The following B4GALT1 variants were observed in gnomAD, a reference collection of about 807,000 sequenced individuals.
B4GALT1 encodes the protein N-acetyllactosamine synthase.
Under a neutral mutation model 34.9 loss-of-function variants are expected in B4GALT1, and 16 were observed. That is an observed-to-expected ratio of 0.46 (90% CI 0.31 to 0.70). The LOEUF (loss-of-function observed/expected upper bound fraction) is 0.70. Ranked by LOEUF, B4GALT1 falls within the 30% of genes least tolerant of loss-of-function variation. The probability of loss-of-function intolerance (pLI) is 0.05; values close to 1 mark genes in which losing one functional copy is unlikely to be tolerated. For missense variants in B4GALT1, 445 were observed against 530.5 expected (o/e 0.84, Z 1.58); for synonymous variants, 221 against 218.1 (o/e 1.01, Z -0.12).
chr9:33,135,809 G>C (rs570078262), intron 1 of B4GALT1, among the ~76,000 whole-genome samples: 1 of 152,288 alleles, frequency 6.6e-6, no homozygotes, highest in South Asian at 2.1e-4. Flanking sequence ...CTGAGGTTGA[G>C]ACTTAGCTCT....
chr9:33,135,183 C>T lies in B4GALT1; in HGVS notation c.648+6G>A, dbSNP rs1840248302. The stretch of plus-strand genomic sequence containing the variant: ...CCCTCTCTCATTCCACCTTCCCAGG[C>T]CTCACCTGGTTGATAACATAGATGC... On this transcript the variant is annotated splice_donor_region_variant and intron_variant, in intron 2 of 5. Coordinates refer to ENST00000379731, the MANE Select transcript of B4GALT1 (RefSeq NM_001497.4). 6.2e-7 allele frequency: 1 copy of T among 1,612,392 alleles called. No individual in the cohort carries two copies. Among genetic ancestry groups the T allele is most frequent in the Admixed American group, 1.7e-5 (1 of 59,988 alleles).
At chr9:33,161,222 C>T (rs150258279) in intron 1 of B4GALT1, among the ~76,000 whole-genome samples, 27 of 152,144 alleles carry the variant, frequency 1.8e-4, no homozygotes, top group Non-Finnish European at 3.7e-4. Flanking sequence ...GAGGCCAAGC[C>T]GCAAAGTGGA....
At chr9:33,113,914 C>G in intron 4 of B4GALT1, 36 bp from the exon 5 acceptor site, 1 of 1,595,350 alleles carries the variant, frequency 6.3e-7, no homozygotes, top group Non-Finnish European at 8.6e-7. Context: ...TATCACAGAG[C>G]TGCCATACAC....
chr9:33,166,290 C>T (rs1340718805), intron 1 of B4GALT1, among the ~76,000 whole-genome samples: 2 of 152,186 alleles, frequency 1.3e-5, no homozygotes, highest in East Asian at 1.9e-4. Flanking sequence ...AAAACCCACT[C>T]AGGAGAGTGG....
At chr9:33,182,525 C>T in the B4GALT1 span, among the ~76,000 whole-genome samples, 1 of 152,216 alleles carries the variant, frequency 6.6e-6, no homozygotes, top group Non-Finnish European at 1.5e-5. Flanking sequence ...CAGACTCCCC[C>T]TGGACTGACC....
At chr9:33,107,408 A>G (rs1839805837), downstream of B4GALT1, among the ~76,000 whole-genome samples, 1 of 152,152 alleles carries the variant, frequency 6.6e-6, no homozygotes, top group Admixed American at 6.5e-5. Flanking sequence ...CAATGTGATC[A>G]TCCTCATTCC....
At chr9:33,127,866 G>A (rs546930013) in intron 2 of B4GALT1, among the ~76,000 whole-genome samples, 15 of 152,318 alleles carry the variant, frequency 9.8e-5, no homozygotes, top group East Asian at 5.8e-4. Context: ...CCTGTATGAC[G>A]GGCTGGCTTC....
chr9:33,112,188 C>T lies in B4GALT1; in HGVS notation c.*1266G>A, dbSNP rs1263053859. The T allele has an allele frequency of 6.6e-6, 1 of 152,290 alleles. No individual in the cohort carries two copies. Among genetic ancestry groups the T allele is most frequent in the Non-Finnish European group, 1.5e-5 (1 of 68,050 alleles). The allele number at this position is 152,290 out of a possible 1,614,324, so 9.4% of individuals were successfully genotyped here. A position where few individuals can be genotyped will look rare whatever the true frequency, so the allele number is the denominator to read the frequency against. ...TAGCAGAGCCTCTGAGGGAGGTGGC[C>T]CCCACCAGAACAGAGGCTCCCTCTG... is the stretch of plus-strand genomic sequence containing the variant. On this transcript the variant is annotated 3_prime_UTR_variant, in exon 6 of 6. Transcript: ENST00000379731.
chr9:33,175,478 C>G, the B4GALT1 span, among the ~76,000 whole-genome samples: 1 of 152,000 alleles, frequency 6.6e-6, no homozygotes, highest in East Asian at 1.9e-4. Context: ...AGTAATAGGG[C>G]ATCATATCGG....
At chr9:33,129,385 C>T (rs748345947) in intron 2 of B4GALT1, among the ~76,000 whole-genome samples, 35 of 152,190 alleles carry the variant, frequency 2.3e-4, no homozygotes, top group Admixed American at 1.3e-3. Flanking sequence ...CTGGAAGCTT[C>T]GGGGAGAGGC....
chr9:33,124,285 G>A lies in B4GALT1; in HGVS notation c.649-3679C>T, dbSNP rs182123256. Among the ~76,000 whole-genome samples, 32 of 152,224 alleles carry A rather than the reference G, an allele frequency of 2.1e-4. No homozygotes were observed. In the East Asian group the frequency reaches 5.6e-3, roughly 27 times the overall value. On this transcript the variant is annotated intron_variant, in intron 2 of 5. Transcript: ENST00000379731. The stretch of plus-strand genomic sequence containing the variant: ...GCCCTCCTCACTGAGCACACTCATC[G>A]GTACCTCTGCCCCTCCATTTGCTCA...
intron 1 of B4GALT1, among the ~76,000 whole-genome samples, chr9:33,146,985 G>A (rs975159655): frequency 2.0e-5 from 3 of 152,094 alleles, no homozygotes; most frequent in Non-Finnish European, 2.9e-5. Flanking sequence ...ACAGGCGAGA[G>A]CCACCACACC....
At chr9:33,131,326 T>C (rs1380926061) in intron 2 of B4GALT1, among the ~76,000 whole-genome samples, 1 of 152,174 alleles carries the variant, frequency 6.6e-6, no homozygotes, top group Non-Finnish European at 1.5e-5. Context: ...AGTTTCTACA[T>C]TGTCTGGCCT....
At chr9:33,155,280 C>T (rs1337143313) in intron 1 of B4GALT1, among the ~76,000 whole-genome samples, 2 of 152,160 alleles carry the variant, frequency 1.3e-5, no homozygotes, top group Non-Finnish European at 2.9e-5. Flanking sequence ...ATTCCAACAC[C>T]AGCCCCGAGG....
At chr9:33,107,595 T>C (rs931222589), downstream of B4GALT1, among the ~76,000 whole-genome samples, 1 of 152,128 alleles carries the variant, frequency 6.6e-6, no homozygotes, top group Non-Finnish European at 1.5e-5. Context: ...CGTTCTCCCA[T>C]GGAAAAGAGG....
chr9:33,107,638 G>T (rs193227533), downstream of B4GALT1, among the ~76,000 whole-genome samples: 1 of 152,332 alleles, frequency 6.6e-6, no homozygotes, highest in East Asian at 1.9e-4. Context: ...TTACTCTCAT[G>T]ATTAAGGGGC....
chr9:33,113,835 C>A lies in B4GALT1; in HGVS notation c.1003G>T (p.Val335Phe). 4 of 1,614,204 alleles carry A rather than the reference C, an allele frequency of 2.5e-6. No homozygotes were observed. The highest frequency in any genetic ancestry group is 3.4e-6 in the Non-Finnish European group (4 of 1,180,028). The change falls in exon 5 of 6, where the codon GTC becomes TTC. Residue 335 changes from valine to phenylalanine, a missense_variant. This residue lies in a region of B4GALT1 where 89 missense variants were observed against 107.6 expected (regional missense o/e 0.83). Transcript: ENST00000379731. ...GMSISRPNAVVGRCRMIRHSR... is the reference protein window; with the variant it reads ...GMSISRPNAVFGRCRMIRHSR... The stretch of plus-strand genomic sequence containing the variant: ...TGGCGGATCATGCGACACCTCCCGA[C>A]CACAGCATTTGGGCGAGATATAGAC...
At chr9:33,165,380 C>G (rs187982929) in intron 1 of B4GALT1, among the ~76,000 whole-genome samples, 1 of 152,296 alleles carries the variant, frequency 6.6e-6, no homozygotes, top group Admixed American at 6.5e-5. Context: ...AACTCGATAG[C>G]ATGTCTCAAG....
rs555305788 is a variant in B4GALT1 at position 33,137,298 on chromosome 9, A to G, written c.413-1874T>C. Among the ~76,000 whole-genome samples, 5 of 152,254 alleles carry G rather than the reference A, an allele frequency of 3.3e-5. No homozygotes were observed. In the East Asian group the frequency reaches 9.6e-4, roughly 29 times the overall value. On this transcript the variant is annotated intron_variant, in intron 1 of 5. Coordinates refer to ENST00000379731, the MANE Select transcript of B4GALT1 (RefSeq NM_001497.4). Reference sequence around the variant, plus strand: ...CCTTCCCACTCTCCTCTTAACTAGCAAACTTTCGCATTGAGAGATAGGCCT... The same window carrying G: ...CCTTCCCACTCTCCTCTTAACTAGCGAACTTTCGCATTGAGAGATAGGCCT...
Sources: gnomAD v4.1 joint callset for allele counts (sites outside exome capture counted in the v4.1 genomes callset) on GRCh38, gnomAD v4.1.1 for gene constraint, gnomAD v4.1.1 regional missense constraint, MANE v1.5 for transcripts, NCBI Gene and HGNC (gene_info 2026-07-23, HGNC 2026-07-21) for gene names.